Variants in OLFM3 observed in about 807,000 individuals in gnomAD.
The protein encoded by OLFM3 is noelin-3.
Under a neutral mutation model 48.6 loss-of-function variants are expected in OLFM3, and 20 were observed. The observed-to-expected ratio is 0.41, with a 90% CI of 0.29 to 0.60. The LOEUF (loss-of-function observed/expected upper bound fraction) is 0.60, where lower values mean the gene tolerates loss of function less well. Among genes scored for constraint, OLFM3 ranks in the 20% least tolerant of loss-of-function variants. OLFM3 has a pLI of 0.28. For missense variants in OLFM3, 437 were observed against 544.3 expected (o/e 0.80, Z 1.96); for synonymous variants, 222 against 198.1 (o/e 1.12, Z -1.01).
chr1:101,904,313 T>A (rs182181949), intron 1 of OLFM3, among the ~76,000 whole-genome samples: 1 of 152,078 alleles, frequency 6.6e-6, no homozygotes, highest in Non-Finnish European at 1.5e-5. Context: ...ACTAATCATG[T>A]CAGGCAGGAG....
At chr1:101,961,318 T>C (rs1244277174) in intron 1 of OLFM3, among the ~76,000 whole-genome samples, 1 of 152,036 alleles carries the variant, frequency 6.6e-6, no homozygotes, top group Non-Finnish European at 1.5e-5. Flanking sequence ...AACAAGATGA[T>C]CAAAGTCATT....
intron 4 of OLFM3, among the ~76,000 whole-genome samples, chr1:101,823,689 T>C (rs573067082): frequency 6.6e-6 from 1 of 152,196 alleles, no homozygotes; most frequent in East Asian, 1.9e-4. Flanking sequence ...CAATAATGTG[T>C]ACAATGAGTT....
At chr1:101,814,013 T>C (rs1204474400) in intron 4 of OLFM3, among the ~76,000 whole-genome samples, 1 of 152,200 alleles carries the variant, frequency 6.6e-6, no homozygotes, top group Non-Finnish European at 1.5e-5. Flanking sequence ...ATGATAATTA[T>C]GTATGAAAAT....
intron 1 of OLFM3, among the ~76,000 whole-genome samples, chr1:101,961,035 T>C (rs1049918514): frequency 6.6e-6 from 1 of 152,146 alleles, no homozygotes; most frequent in African/African-American, 2.4e-5. Flanking sequence ...ATGAGACTAT[T>C]TGGATAACAT....
chr1:101,963,177 C>G (rs370865284), intron 1 of OLFM3, among the ~76,000 whole-genome samples: 2 of 152,100 alleles, frequency 1.3e-5, no homozygotes, highest in Non-Finnish European at 2.9e-5. Flanking sequence ...GACTCAGAGC[C>G]CTCGTTATGC....
chr1:101,825,802 G>T lies in OLFM3; in HGVS notation c.373-557C>A, dbSNP rs537493163. Among the ~76,000 whole-genome samples the T allele has an allele frequency of 2.6e-5, 4 of 152,158 alleles. No individual in the cohort carries two copies. The East Asian group carries it at 7.7e-4, about 29-fold the overall frequency. Reference sequence around the variant, plus strand: ...TCCATCATGGCCATCAACCAACTTTGTTTTTCCTTTGTGCTCAGGTATTCC... The same window carrying T: ...TCCATCATGGCCATCAACCAACTTTTTTTTTCCTTTGTGCTCAGGTATTCC... On this transcript the variant is annotated intron_variant, in intron 3 of 5. Transcript: ENST00000370103.
At chr1:101,953,040 T>C (rs1469019209) in intron 1 of OLFM3, among the ~76,000 whole-genome samples, 1 of 152,148 alleles carries the variant, frequency 6.6e-6, no homozygotes, top group African/African-American at 2.4e-5. Context: ...AGTACAAAAA[T>C]GCATGCTAGT....
intron 4 of OLFM3, among the ~76,000 whole-genome samples, chr1:101,817,751 T>G (rs1654406437): frequency 6.6e-6 from 1 of 152,096 alleles, no homozygotes; most frequent in Admixed American, 6.6e-5. Flanking sequence ...ATGTTATTTC[T>G]TTTTACTTAA....
At chr1:101,942,019 G>A (rs541754923) in intron 1 of OLFM3, among the ~76,000 whole-genome samples, 1 of 152,198 alleles carries the variant, frequency 6.6e-6, no homozygotes, top group Admixed American at 6.5e-5. Context: ...AGGAAGCAAG[G>A]TTCAGAGATA....
At chr1:101,871,089 T>A (rs948528878) in intron 1 of OLFM3, among the ~76,000 whole-genome samples, 2 of 152,130 alleles carry the variant, frequency 1.3e-5, no homozygotes, top group African/African-American at 2.4e-5. Context: ...TTTTAATAGT[T>A]TAGTTTTATA....
intron 1 of OLFM3, among the ~76,000 whole-genome samples, chr1:101,860,925 T>C (rs1338550346): frequency 6.6e-6 from 1 of 152,070 alleles, no homozygotes; most frequent in Non-Finnish European, 1.5e-5. Flanking sequence ...CTTTTTGATA[T>C]AGGTAGAAAA....
intron 1 of OLFM3, among the ~76,000 whole-genome samples, chr1:101,877,019 T>C (rs948661751): frequency 6.6e-6 from 1 of 151,920 alleles, no homozygotes; most frequent in African/African-American, 2.4e-5. Context: ...TGAAACATAC[T>C]TGTTGGTGAA....
chr1:101,870,223 T>G (rs1024324460), intron 1 of OLFM3, among the ~76,000 whole-genome samples: 6 of 152,086 alleles, frequency 3.9e-5, no homozygotes, highest in Non-Finnish European at 8.8e-5. Context: ...TATCTCTTTG[T>G]AGCTGAAAAA....
intron 1 of OLFM3, among the ~76,000 whole-genome samples, chr1:101,992,448 G>A (rs1661438946): frequency 6.6e-6 from 1 of 152,118 alleles, no homozygotes; most frequent in South Asian, 2.1e-4. Context: ...TGCCACATCA[G>A]GGTTTACTGG....
intron 1 of OLFM3, among the ~76,000 whole-genome samples, chr1:101,882,063 G>GA (rs543192503): frequency 1.4e-5 from 2 of 147,384 alleles, no homozygotes; most frequent in African/African-American, 2.5e-5. Flanking sequence ...TATTAGAAAA[G>GA]AAAAAAAAGA....
At position 101,803,668 on chromosome 1, in the gene OLFM3, C is replaced by T. The variant is rs1570492385; in HGVS notation, c.*570G>A. On this transcript the variant is annotated 3_prime_UTR_variant, in exon 6 of 6. Transcript: ENST00000370103. Reference sequence around the variant, plus strand: ...AATGGTGGTTACAATGGTAGAAATACATACTGCCAATAAAATGTTAGCAAG... The same window carrying T: ...AATGGTGGTTACAATGGTAGAAATATATACTGCCAATAAAATGTTAGCAAG... The T allele has an allele frequency of 6.6e-6, 1 of 152,298 alleles. No individual in the cohort carries two copies. 9.4% of individuals were successfully genotyped at this position (152,298 alleles called of 1,614,324 possible).
At chr1:101,986,536 C>T (rs1661247686) in intron 1 of OLFM3, among the ~76,000 whole-genome samples, 1 of 152,130 alleles carries the variant, frequency 6.6e-6, no homozygotes, top group Admixed American at 6.5e-5. Context: ...GGTATGATTT[C>T]TCTTTTCCTT....
chr1:101,950,542 C>CG (rs1660112209), intron 1 of OLFM3, among the ~76,000 whole-genome samples: 1 of 151,766 alleles, frequency 6.6e-6, no homozygotes, highest in South Asian at 2.1e-4. Context: ...GGGTTCACGC[C>CG]ATTCTCCTGC....
At chr1:101,961,329 T>C (rs1445877681) in intron 1 of OLFM3, among the ~76,000 whole-genome samples, 3 of 152,088 alleles carry the variant, frequency 2.0e-5, no homozygotes, top group South Asian at 2.1e-4. Flanking sequence ...CAAAGTCATT[T>C]GTAAATTATA....
Sources: gnomAD v4.1 joint callset for allele counts (sites outside exome capture counted in the v4.1 genomes callset) on GRCh38, gnomAD v4.1.1 for gene constraint, MANE v1.5 for transcripts, NCBI Gene and HGNC (gene_info 2026-07-23, HGNC 2026-07-21) for gene names.